RICTOR: variants seen among roughly 807,000 people sequenced by gnomAD.
RICTOR encodes the protein rapamycin-insensitive companion of mTOR.
Under a neutral mutation model 214.9 loss-of-function variants are expected in RICTOR, and 49 were observed. That is an observed-to-expected ratio of 0.23 (90% confidence interval 0.18 to 0.29). The LOEUF is 0.29. Ranked by LOEUF, RICTOR falls within the 10% of genes least tolerant of loss-of-function variation. The pLI, the probability that RICTOR is intolerant of heterozygous loss-of-function variation, is 1.00. For synonymous variants in RICTOR, 717 were observed against 711.3 expected (o/e 1.01, Z -0.13); for missense variants, 1,625 against 2,047.0 (o/e 0.79, Z 3.98).
intron 1 of RICTOR, 62 bp from the exon 2 acceptor site, chr5:39,074,220 T>C (rs530781677): frequency 6.3e-7 from 1 of 1,578,474 alleles, no homozygotes; most frequent in African/African-American, 1.4e-5. Flanking sequence ...GCGGCTGCCC[T>C]GGCTCCGGCC....
At chr5:39,052,604 C>T (rs1391026414) in intron 2 of RICTOR, among the ~76,000 whole-genome samples, 1 of 152,016 alleles carries the variant, frequency 6.6e-6, no homozygotes, top group Non-Finnish European at 1.5e-5. Context: ...ATAAGGTTTC[C>T]CATAATTTGC....
rs569036579 is a variant in RICTOR at position 39,042,593 on chromosome 5, T to C, written c.98-21457A>G. ...GACTACCTAGTTGTACTGCCTTGCA[T>C]AGGACAATGTACCTTCAGTGTTCAT... On this transcript the variant is annotated intron_variant, in intron 2 of 37. Transcript: ENST00000357387. Among the ~76,000 whole-genome samples the C allele has an allele frequency of 1.8e-4, 28 of 152,302 alleles. 1 individual carries two copies. The South Asian group carries it at 3.9e-3, about 21-fold the overall frequency.
intron 2 of RICTOR, among the ~76,000 whole-genome samples, chr5:39,055,179 T>G (rs1360246778): frequency 1.3e-5 from 2 of 152,152 alleles, no homozygotes; most frequent in Admixed American, 6.5e-5. Flanking sequence ...ATGACTTCCC[T>G]TTGCAGTTGT....
chr5:39,074,218 C>T (rs1759549144), intron 1 of RICTOR, 60 bp from the exon 2 acceptor site: 4 of 1,579,644 alleles, frequency 2.5e-6, no homozygotes, highest in East Asian at 2.4e-5. Context: ...CTGCGGCTGC[C>T]CTGGCTCCGG....
chr5:38,981,550 A>C (rs1284082954), intron 8 of RICTOR: 1 of 212,488 alleles, frequency 4.7e-6, no homozygotes, highest in Non-Finnish European at 9.3e-6. Flanking sequence ...AATGTACTAA[A>C]GGCCTTAAAA....
chr5:39,038,467 C>T (rs987850278), intron 2 of RICTOR, among the ~76,000 whole-genome samples: 1 of 152,082 alleles, frequency 6.6e-6, no homozygotes, highest in Admixed American at 6.5e-5. Flanking sequence ...AAGTTCTGGC[C>T]AGGGCAATCA....
At chr5:39,005,784 G>C (rs943437488) in intron 3 of RICTOR, among the ~76,000 whole-genome samples, 2 of 152,192 alleles carry the variant, frequency 1.3e-5, no homozygotes, top group Non-Finnish European at 2.9e-5. Flanking sequence ...TAAACCACTA[G>C]ATGGTGTTGA....
At chr5:38,979,156 G>A (rs536229078) in intron 8 of RICTOR, among the ~76,000 whole-genome samples, 2 of 152,080 alleles carry the variant, frequency 1.3e-5, no homozygotes, top group South Asian at 4.2e-4. Context: ...CATTACTTTA[G>A]TACTTAAGAG....
At chr5:39,071,474 T>C (rs923449814) in intron 2 of RICTOR, among the ~76,000 whole-genome samples, 2 of 152,246 alleles carry the variant, frequency 1.3e-5, no homozygotes, top group African/African-American at 2.4e-5. Flanking sequence ...AGGCAACTAA[T>C]GTTAAATATC....
At chr5:38,982,479 G>A (rs1327227224) in intron 7 of RICTOR, among the ~76,000 whole-genome samples, 1 of 152,082 alleles carries the variant, frequency 6.6e-6, no homozygotes, top group Non-Finnish European at 1.5e-5. Flanking sequence ...TTGCTCCAAA[G>A]ATCAGGCATT....
intron 2 of RICTOR, among the ~76,000 whole-genome samples, chr5:39,068,368 C>G (rs1335115044): frequency 6.6e-6 from 1 of 152,150 alleles, no homozygotes; most frequent in East Asian, 1.9e-4. Flanking sequence ...CAAACTCTCC[C>G]CAATCCTCTC....
At chr5:38,957,170 T>C (rs1052913025) in intron 25 of RICTOR, among the ~76,000 whole-genome samples, 1 of 152,134 alleles carries the variant, frequency 6.6e-6, no homozygotes, top group African/African-American at 2.4e-5. Flanking sequence ...CTTAGCAGGT[T>C]TCCCTATGAC....
intron 2 of RICTOR, among the ~76,000 whole-genome samples, chr5:39,064,431 G>A (rs1040432235): frequency 4.6e-5 from 7 of 152,148 alleles, no homozygotes; most frequent in African/African-American, 1.7e-4. Flanking sequence ...TATTGTGGGA[G>A]AGAAAAGAAC....
chr5:39,000,820 A>G (rs562904945), intron 5 of RICTOR, among the ~76,000 whole-genome samples: 32 of 152,124 alleles, frequency 2.1e-4, no homozygotes, highest in Admixed American at 2.6e-4. Context: ...TCTCCCCCCA[A>G]TTTTTTTATA....
intron 21 of RICTOR, 25 bp downstream of exon 21, chr5:38,959,754 T>A (rs897522223): frequency 6.6e-7 from 1 of 1,508,584 alleles, no homozygotes; most frequent in Non-Finnish European, 9.2e-7. Flanking sequence ...ATGTATATAT[T>A]GCAACAAAAT....
chr5:38,959,397 C>T (rs1749592339), intron 21 of RICTOR, 76 bp from the exon 22 acceptor site: 1 of 838,918 alleles, frequency 1.2e-6, no homozygotes, highest in Non-Finnish European at 1.8e-6. Context: ...ATATTTTTTC[C>T]AGCTTTACTG....
intron 3 of RICTOR, among the ~76,000 whole-genome samples, chr5:39,009,026 C>T (rs1202646658): frequency 6.6e-6 from 1 of 152,012 alleles, no homozygotes; most frequent in Admixed American, 6.6e-5. Flanking sequence ...TTATAATTTA[C>T]ACATATCAAC....
chr5:38,959,748 A>C, intron 21 of RICTOR, 31 bp downstream of exon 21: 2 of 1,427,800 alleles, frequency 1.4e-6, no homozygotes, highest in South Asian at 2.3e-5. Context: ...AAGTTCATGT[A>C]TATATTGCAA....
intron 4 of RICTOR, 102 bp downstream of exon 4, chr5:39,003,456 C>CAAAT: frequency 2.9e-6 from 2 of 694,726 alleles, no homozygotes; most frequent in Non-Finnish European, 4.8e-6. Flanking sequence ...TCTATAAAAT[C>CAAAT]AAATATGAGG....
Sources: allele counts gnomAD v4.1 joint callset (sites outside exome capture counted in the v4.1 genomes callset), GRCh38; gene constraint gnomAD v4.1.1; transcripts MANE v1.5; gene names NCBI Gene and HGNC (gene_info 2026-07-23, HGNC 2026-07-21).